Variants in TRAPPC9 observed in about 807,000 individuals in gnomAD.
The protein encoded by TRAPPC9 is IKK2 binding protein.
Under a neutral mutation model 124.0 loss-of-function variants are expected in TRAPPC9, and 83 were observed. The ratio of observed to expected loss-of-function variants is 0.67; its 90% CI spans 0.56 to 0.80. The LOEUF (loss-of-function observed/expected upper bound fraction) is 0.80. Ranked by LOEUF, TRAPPC9 falls within the 30% of genes least tolerant of loss-of-function variation. The probability of loss-of-function intolerance (pLI) is 0.00; values close to 1 mark genes in which losing one functional copy is unlikely to be tolerated. For missense variants in TRAPPC9, 1,302 were observed against 1,508.3 expected (o/e 0.86, Z 2.27); for synonymous variants, 638 against 617.5 (o/e 1.03, Z -0.49).
intron 21 of TRAPPC9, among the ~76,000 whole-genome samples, chr8:139,787,360 C>T (rs1405481575): frequency 6.6e-6 from 1 of 152,120 alleles, no homozygotes; most frequent in Non-Finnish European, 1.5e-5. Context: ...CTTTCATCCT[C>T]ACTGCAGCCT....
At chr8:139,996,022 A>C (rs1045227885) in intron 18 of TRAPPC9, among the ~76,000 whole-genome samples, 1 of 151,632 alleles carries the variant, frequency 6.6e-6, no homozygotes, top group Non-Finnish European at 1.5e-5. Flanking sequence ...TAAGTAACAG[A>C]CAATAACTTC....
rs1040027571 is a variant in TRAPPC9, at chr8:139,918,296, G to A, written c.2811-7996C>T. 3.3e-5 allele frequency among the ~76,000 whole-genome samples: 5 copies of A among 152,222 alleles called. No homozygotes were observed. In the South Asian group the frequency reaches 1.0e-3, roughly 31 times the overall value. On this transcript the variant is annotated intron_variant, in intron 19 of 22. Transcript: ENST00000438773. The stretch of plus-strand genomic sequence containing the variant: ...AGAGGTGGCTTCTCCGAAGAGGGAT[G>A]GTGTGCTCTGAGCACTCTGCTTCCT...
At chr8:140,411,444 C>T (rs777922628) in intron 5 of TRAPPC9, among the ~76,000 whole-genome samples, 6 of 152,162 alleles carry the variant, frequency 3.9e-5, no homozygotes, top group African/African-American at 1.2e-4. Flanking sequence ...CAGGTTCCAG[C>T]GATTCTCCTG....
At position 140,200,551 on chromosome 8, in the gene TRAPPC9, C is replaced by T. The variant is rs374951756; in HGVS notation, c.2556+20908G>A. On this transcript the variant is annotated intron_variant, in intron 17 of 22. Coordinates refer to ENST00000438773, the MANE Select transcript of TRAPPC9 (RefSeq NM_001160372.4). The stretch of plus-strand genomic sequence containing the variant: ...AGTCAGGTGGGCACCCCTGCGGCGG[C>T]GGCATAAGAAGGGCACGTCGACTCC... Among the ~76,000 whole-genome samples, 72 of 152,214 alleles carry T rather than the reference C, an allele frequency of 4.7e-4. No individual in the cohort carries two copies. In the East Asian group the frequency reaches 0.011, roughly 23 times the overall value.
intron 17 of TRAPPC9, among the ~76,000 whole-genome samples, chr8:140,059,226 C>T (rs950045665): frequency 2.6e-5 from 4 of 152,174 alleles, no homozygotes; most frequent in African/African-American, 7.2e-5. Flanking sequence ...ACAGTGTGTA[C>T]TTTCTGTGTC....
chr8:140,081,427 C>T (rs1843814843), intron 17 of TRAPPC9, among the ~76,000 whole-genome samples: 2 of 148,880 alleles, frequency 1.3e-5, no homozygotes, highest in East Asian at 2.0e-4. Flanking sequence ...CTCACTACGA[C>T]CTCCGCCTCC....
At chr8:140,308,911 A>G (rs2066216094) in intron 10 of TRAPPC9, among the ~76,000 whole-genome samples, 1 of 152,038 alleles carries the variant, frequency 6.6e-6, no homozygotes, top group Middle Eastern at 3.2e-3. Context: ...GAAACAGTCC[A>G]TGACCACACT....
intron 7 of TRAPPC9, among the ~76,000 whole-genome samples, chr8:140,390,376 A>G (rs1200223269): frequency 6.6e-6 from 1 of 152,220 alleles, no homozygotes; most frequent in African/African-American, 2.4e-5. Context: ...AACTGCAGGC[A>G]TGTCCCCAGG....
At chr8:140,330,133 G>A (rs1472951907) in intron 9 of TRAPPC9, among the ~76,000 whole-genome samples, 2 of 149,660 alleles carry the variant, frequency 1.3e-5, no homozygotes, top group African/African-American at 4.9e-5. Context: ...GCTTTCTTCA[G>A]TTTGTCACTT....
At chr8:139,887,603 C>T (rs1257175914) in intron 20 of TRAPPC9, among the ~76,000 whole-genome samples, 1 of 152,204 alleles carries the variant, frequency 6.6e-6, no homozygotes, top group Non-Finnish European at 1.5e-5. Context: ...TCCCCTCCCA[C>T]ACTCTGCGTG....
At chr8:139,976,018 A>C (rs1026211139) in intron 19 of TRAPPC9, among the ~76,000 whole-genome samples, 4 of 120,526 alleles carry the variant, frequency 3.3e-5, no homozygotes, top group Non-Finnish European at 6.5e-5. Flanking sequence ...CAGCCTCCCC[A>C]GTAGCTGGGA....
At chr8:140,107,139 C>T (rs563690391) in intron 17 of TRAPPC9, among the ~76,000 whole-genome samples, 19 of 152,290 alleles carry the variant, frequency 1.2e-4, no homozygotes, top group African/African-American at 3.9e-4. Flanking sequence ...CACCATACTA[C>T]AGGCATTGAA....
intron 17 of TRAPPC9, among the ~76,000 whole-genome samples, chr8:140,053,839 T>G (rs1038941984): frequency 2.6e-5 from 4 of 152,262 alleles, no homozygotes; most frequent in African/African-American, 9.6e-5. Context: ...TTTGCCTTCA[T>G]GTTTATTTTG....
intron 16 of TRAPPC9, among the ~76,000 whole-genome samples, chr8:140,226,853 A>G (rs2063466956): frequency 6.6e-6 from 1 of 152,090 alleles, no homozygotes; most frequent in Admixed American, 6.5e-5. Context: ...CTTTGCAAAA[A>G]AAAAAAGAAA....
chr8:139,971,299 C>A (rs1428445127), intron 19 of TRAPPC9, among the ~76,000 whole-genome samples: 2 of 152,198 alleles, frequency 1.3e-5, no homozygotes, highest in Admixed American at 1.3e-4. Context: ...CGTCTCTGCC[C>A]TCACTCCCAC....
intron 6 of TRAPPC9, among the ~76,000 whole-genome samples, chr8:140,404,909 C>CGT (rs71320356): frequency 0.12 from 14,365 of 119,900 alleles, 829 homozygotes; most frequent in Middle Eastern, 0.16. Context: ...TGTGAGCATG[C>CGT]GTGTGTGTGT....
At chr8:140,184,574 T>C (rs1407496736) in intron 17 of TRAPPC9, among the ~76,000 whole-genome samples, 2 of 152,200 alleles carry the variant, frequency 1.3e-5, no homozygotes, top group Non-Finnish European at 2.9e-5. Context: ...CAGCTGGGAT[T>C]ACAGGAGTAA....
rs1326226521 is a variant in TRAPPC9 at position 140,216,551 on chromosome 8, C to T, written c.2556+4908G>A. Among the ~76,000 whole-genome samples, 1 of 152,216 alleles carries T rather than the reference C, an allele frequency of 6.6e-6. No individual in the cohort carries two copies. The highest frequency in any genetic ancestry group is 1.5e-5 in the Non-Finnish European group (1 of 68,042). On this transcript the variant is annotated intron_variant, in intron 17 of 22. Transcript: ENST00000438773. The surrounding 1 kb of genome is among the most constrained non-coding windows in gnomAD (Gnocchi z 4.1). Reference sequence around the variant, plus strand: ...CCCCAAAAGAAGTATGAGTGGAACACAAAGCAAAGGAAGGAACCAACAAAC... The same window carrying T: ...CCCCAAAAGAAGTATGAGTGGAACATAAAGCAAAGGAAGGAACCAACAAAC...
intron 17 of TRAPPC9, among the ~76,000 whole-genome samples, chr8:140,138,485 G>A (rs930751755): frequency 6.6e-6 from 1 of 152,040 alleles, no homozygotes; most frequent in African/African-American, 2.4e-5. Flanking sequence ...CTAAAGTAGC[G>A]TCTTTGCCAG....
Sources: gnomAD v4.1 joint callset for allele counts (sites outside exome capture counted in the v4.1 genomes callset) on GRCh38, gnomAD v4.1.1 for gene constraint, Gnocchi (gnomAD v3.1) non-coding constraint, MANE v1.5 for transcripts, NCBI Gene and HGNC (gene_info 2026-07-23, HGNC 2026-07-21) for gene names.